Variants in IQGAP2 observed in about 807,000 individuals in gnomAD.
IQGAP2 encodes IQ motif containing GTPase activating protein 2, also known as ras GTPase-activating-like protein IQGAP2.
Under a neutral mutation model 201.3 loss-of-function variants are expected in IQGAP2, and 173 were observed. The observed-to-expected ratio is 0.86, with a 90% CI of 0.76 to 0.98. The LOEUF (loss-of-function observed/expected upper bound fraction) is 0.98, where lower values mean the gene tolerates loss of function less well. Among genes scored for constraint, IQGAP2 ranks in the 50% least tolerant of loss-of-function variants. The pLI is 0.00. For synonymous variants in IQGAP2, 675 were observed against 673.9 expected, an observed-to-expected ratio of 1.00 and a Z score of -0.03; for missense variants, 1,687 against 1,864.8, an observed-to-expected ratio of 0.90 and a Z score of 1.76.
chr5:76,609,077 G>T, intron 12 of IQGAP2: 1 of 1,530,490 alleles, frequency 6.5e-7, no homozygotes, highest in Non-Finnish European at 8.8e-7. Context: ...CTCCTATGAT[G>T]TCATTCACTA....
intron 2 of IQGAP2, among the ~76,000 whole-genome samples, chr5:76,462,251 G>A (rs1009323800): frequency 6.6e-6 from 1 of 152,154 alleles, no homozygotes; most frequent in African/African-American, 2.4e-5. Context: ...CCCACTCGCA[G>A]CCCAATGATG....
At chr5:76,618,698 T>G in intron 13 of IQGAP2, 1 of 1,356,802 alleles carries the variant, frequency 7.4e-7, no homozygotes, top group Non-Finnish European at 1.0e-6. Context: ...AAAGAAAGTG[T>G]GTTTAATTAT....
intron 27 of IQGAP2, among the ~76,000 whole-genome samples, chr5:76,675,944 A>G (rs1223086643): frequency 2.0e-5 from 3 of 152,036 alleles, no homozygotes. Context: ...ATCTGGGCAT[A>G]GTGGTAAGCA....
At chr5:76,679,083 A>G (rs1195926690) in intron 28 of IQGAP2, among the ~76,000 whole-genome samples, 4 of 152,232 alleles carry the variant, frequency 2.6e-5, no homozygotes, top group African/African-American at 9.6e-5. Context: ...TATTTGAGCA[A>G]TGACCCATTT....
At chr5:76,611,327 A>C in intron 13 of IQGAP2, 144 bp downstream of exon 13, 1 of 611,382 alleles carries the variant, frequency 1.6e-6, no homozygotes, top group Non-Finnish European at 2.8e-6. Context: ...GAAATAATAG[A>C]GCTGTTATTT....
intron 2 of IQGAP2, among the ~76,000 whole-genome samples, chr5:76,500,817 C>T (rs774401099): frequency 3.4e-4 from 52 of 152,278 alleles, no homozygotes; most frequent in Admixed American, 5.9e-4. Flanking sequence ...ATAGCCTTTC[C>T]GGTACCGTGC....
chr5:76,496,742 TTTCTTTCTTTC>T (rs1756957092), intron 2 of IQGAP2, among the ~76,000 whole-genome samples: 26 of 42,444 alleles, frequency 6.1e-4, no homozygotes, highest in South Asian at 3.1e-3. Context: ...TCTTTCTTTC[TTTCTTTCTTTC>T]TTTCTTTCTT....
intron 2 of IQGAP2, among the ~76,000 whole-genome samples, chr5:76,503,042 G>A (rs1032817737): frequency 1.3e-5 from 2 of 151,840 alleles, no homozygotes; most frequent in East Asian, 1.9e-4. Flanking sequence ...CACCATGCCC[G>A]ACCTCCAAAT....
chr5:76,698,176 G>A (rs758524959), intron 33 of IQGAP2, 29 bp downstream of exon 33: 2 of 1,499,186 alleles, frequency 1.3e-6, no homozygotes, highest in South Asian at 2.4e-5. Context: ...ATGTTCATTT[G>A]TAATGTCATG....
intron 2 of IQGAP2, among the ~76,000 whole-genome samples, chr5:76,471,587 T>C (rs1755113982): frequency 6.6e-6 from 1 of 152,122 alleles, no homozygotes; most frequent in Non-Finnish European, 1.5e-5. Flanking sequence ...TTAAATCAAG[T>C]CTCAAGCTCT....
intron 2 of IQGAP2, among the ~76,000 whole-genome samples, chr5:76,520,738 CTG>C (rs1758625386): frequency 7.4e-6 from 1 of 134,370 alleles, no homozygotes; most frequent in African/African-American, 2.8e-5. Context: ...GAGTCTCACT[CTG>C]TCACGCAGGC....
At chr5:76,677,414 A>T in intron 28 of IQGAP2, 64 bp downstream of exon 28, 1 of 1,508,608 alleles carries the variant, frequency 6.6e-7, no homozygotes, top group Non-Finnish European at 9.1e-7. Context: ...TTATCTTGAA[A>T]ATGCTTAATC....
In IQGAP2 at chr5:76,562,480, G is replaced by A. The variant is rs1247715416; in HGVS notation, c.231G>A (p.Lys77=). 1.9e-6 allele frequency: 3 copies of A among 1,614,036 alleles called. No individual in the cohort carries two copies. In the Admixed American group the frequency reaches 5.0e-5, roughly 27 times the overall value. Residue 77 remains lysine (K), a synonymous_variant, in exon 3 of 36, where the codon AAG becomes AAA. Transcript: ENST00000274364. ...EGLRNGVYLA[K]LAKFFAPKMV... ...TCCGGAATGGAGTTTACCTTGCAAA[G>A]TTAGCCAAGTTCTTTGCCCCGAAAA... is the stretch of plus-strand genomic sequence containing the variant.
At chr5:76,618,446 G>A (rs1307515293) in intron 13 of IQGAP2, 2 of 1,614,170 alleles carry the variant, frequency 1.2e-6, no homozygotes, top group African/African-American at 1.3e-5. Flanking sequence ...AGCTGGTCAG[G>A]TACCCCATGG....
At chr5:76,641,271 G>A (rs1483345106) in intron 17 of IQGAP2, among the ~76,000 whole-genome samples, 168 bp downstream of exon 17, 1 of 152,188 alleles carries the variant, frequency 6.6e-6, no homozygotes, top group Non-Finnish European at 1.5e-5. Context: ...AAAATAGGAA[G>A]CATTTTGATG....
intron 3 of IQGAP2, among the ~76,000 whole-genome samples, chr5:76,566,150 C>T (rs1190990646): frequency 6.6e-6 from 1 of 152,050 alleles, no homozygotes; most frequent in Non-Finnish European, 1.5e-5. Context: ...ATTCTAGGCA[C>T]TAATGGCAGA....
chr5:76,519,130 A>C (rs375357474), intron 2 of IQGAP2, among the ~76,000 whole-genome samples: 2 of 152,158 alleles, frequency 1.3e-5, no homozygotes, highest in South Asian at 2.1e-4. Context: ...GTTTTAACTT[A>C]TATATTCCTG....
chr5:76,620,328 G>A (rs969173189), intron 13 of IQGAP2, among the ~76,000 whole-genome samples: 11 of 151,664 alleles, frequency 7.3e-5, no homozygotes, highest in Non-Finnish European at 1.2e-4. Flanking sequence ...AGGCAGAGGC[G>A]AACACGTGAG....
At chr5:76,525,153 G>T (rs1412569724) in intron 2 of IQGAP2, among the ~76,000 whole-genome samples, 1 of 152,208 alleles carries the variant, frequency 6.6e-6, no homozygotes, top group Non-Finnish European at 1.5e-5. Flanking sequence ...CTGATACTCA[G>T]AGAATCTTGG....
Sources: allele counts gnomAD v4.1 joint callset (sites outside exome capture counted in the v4.1 genomes callset), GRCh38; gene constraint gnomAD v4.1.1; transcripts MANE v1.5; gene names NCBI Gene and HGNC (gene_info 2026-07-23, HGNC 2026-07-21).